PDE4D: variants seen among roughly 807,000 people sequenced by gnomAD.
The protein encoded by PDE4D is 3',5'-cyclic-AMP phosphodiesterase 4D.
PDE4D carries 24 observed loss-of-function variants against 87.4 expected under a neutral mutation model. The observed-to-expected ratio is 0.27, with a 90% CI of 0.20 to 0.39. The LOEUF (loss-of-function observed/expected upper bound fraction) is 0.39, where lower values mean the gene tolerates loss of function less well. Ranked by LOEUF, PDE4D falls within the 10% of genes least tolerant of loss-of-function variation. The pLI is 1.00. For missense variants in PDE4D, 714 were observed against 1,041.0 expected (o/e 0.69, Z 4.32); for synonymous variants, 384 against 383.2 (o/e 1.00, Z -0.02).
chr5:59,999,602 C>T (rs72753250), intron 2 of PDE4D, among the ~76,000 whole-genome samples: 1 of 150,180 alleles, frequency 6.7e-6, no homozygotes, highest in Non-Finnish European at 1.5e-5. Context: ...AAAGTCTTCC[C>T]CTGTATGAAG....
intron 1 of PDE4D, chr5:60,459,937 T>G: frequency 1.4e-6 from 1 of 723,092 alleles, no homozygotes; most frequent in Non-Finnish European, 2.5e-6. Context: ...TTCATTAGTA[T>G]CTTTTTATCC....
intron 2 of PDE4D, chr5:60,022,663 C>T (rs898021145): frequency 3.9e-5 from 6 of 152,222 alleles, no homozygotes; most frequent in Non-Finnish European, 7.3e-5. Flanking sequence ...GATACAGCTG[C>T]GAAGCCTCTA....
intron 1 of PDE4D, among the ~76,000 whole-genome samples, chr5:60,297,292 T>C (rs1033826907): frequency 3.3e-5 from 5 of 152,082 alleles, no homozygotes. Flanking sequence ...TTTGTGACAT[T>C]AGAACAGGCT....
At chr5:59,225,856 T>C (rs1202934073) in intron 1 of PDE4D, among the ~76,000 whole-genome samples, 1 of 133,564 alleles carries the variant, frequency 7.5e-6, no homozygotes, top group East Asian at 2.2e-4. Context: ...ATGAAAGAAA[T>C]GGACGTTTCT....
At chr5:59,364,538 G>A (rs535290766) in intron 1 of PDE4D, among the ~76,000 whole-genome samples, 3 of 152,064 alleles carry the variant, frequency 2.0e-5, no homozygotes, top group Non-Finnish European at 2.9e-5. Flanking sequence ...ATATGCTATA[G>A]GTGAGTCTTA....
intron 1 of PDE4D, among the ~76,000 whole-genome samples, chr5:59,340,250 C>T (rs147949745): frequency 1.9e-4 from 29 of 152,136 alleles, no homozygotes; most frequent in African/African-American, 4.3e-4. Flanking sequence ...GCTGTTTTTG[C>T]GTAGTGTCTA....
At chr5:60,182,450 T>C (rs11748314) in intron 2 of PDE4D, among the ~76,000 whole-genome samples, 8,979 of 152,254 alleles carry the variant, frequency 0.059, 297 homozygotes, top group Middle Eastern at 0.088. Context: ...CTGACCAACA[T>C]GGTGAAACCC....
intron 1 of PDE4D, among the ~76,000 whole-genome samples, chr5:59,243,266 T>C (rs1758048273): frequency 6.6e-6 from 1 of 152,040 alleles, no homozygotes; most frequent in South Asian, 2.1e-4. Flanking sequence ...TTGACCAGCT[T>C]TAGAAGGCAG....
At chr5:59,335,776 T>G (rs1327799917) in intron 1 of PDE4D, among the ~76,000 whole-genome samples, 1 of 152,210 alleles carries the variant, frequency 6.6e-6, no homozygotes, top group South Asian at 2.1e-4. Flanking sequence ...TATCAATGAA[T>G]AGATTGCTAA....
At chr5:60,377,058 G>C (rs1259348749) in intron 1 of PDE4D, among the ~76,000 whole-genome samples, 1 of 152,222 alleles carries the variant, frequency 6.6e-6, no homozygotes, top group African/African-American at 2.4e-5. Flanking sequence ...TTAGTTAACT[G>C]TAAACTCAGC....
At chr5:60,491,016 T>C (rs1293265282), upstream of PDE4D, 1 of 152,148 alleles carries the variant, frequency 6.6e-6, no homozygotes, top group Non-Finnish European at 1.5e-5. Context: ...TTAACTCCAT[T>C]CCAGGTGACA....
At chr5:59,987,700 C>T (rs992319603) in intron 3 of PDE4D, 1 of 152,198 alleles carries the variant, frequency 6.6e-6, no homozygotes, top group Non-Finnish European at 1.5e-5. Context: ...GGCCCACTGG[C>T]TTCATCCTCT....
intron 1 of PDE4D, among the ~76,000 whole-genome samples, chr5:60,308,814 G>A (rs749688277): frequency 4.6e-5 from 7 of 152,170 alleles, no homozygotes; most frequent in Non-Finnish European, 5.9e-5. Flanking sequence ...TGAGGGATTC[G>A]AATTTGAAAA....
chr5:59,499,510 A>C (rs1326335993), intron 1 of PDE4D, among the ~76,000 whole-genome samples: 1 of 151,868 alleles, frequency 6.6e-6, no homozygotes, highest in Non-Finnish European at 1.5e-5. Context: ...AAGGATAAAA[A>C]AAGATTGATA....
intron 1 of PDE4D, among the ~76,000 whole-genome samples, chr5:59,802,555 C>A (rs529528678): frequency 6.6e-6 from 1 of 151,808 alleles, no homozygotes; most frequent in African/African-American, 2.4e-5. Context: ...CAAACCACCA[C>A]GCTCAGCTAA....
chr5:58,975,538 T>A lies in PDE4D; in HGVS notation c.2013+119A>T. On this transcript the variant is annotated intron_variant, in intron 14 of 14. Coordinates refer to ENST00000340635, the MANE Select transcript of PDE4D (RefSeq NM_001104631.2). This position sits in a 1 kb window ranked among gnomAD's most constrained non-coding sequence, Gnocchi z 4.2. ...CATAAATACTAAGGTGAAATTGAGC[T>A]TGTCAAAAACAAAGTAATTTTAAAA... The A allele has an allele frequency of 1.3e-6, 1 of 748,360 alleles. No homozygotes were observed. Among genetic ancestry groups the A allele is most frequent in the Non-Finnish European group, 2.0e-6 (1 of 506,884 alleles). The allele number at this position is 748,360 out of a possible 1,614,324, so 46.4% of individuals were successfully genotyped here.
intron 1 of PDE4D, among the ~76,000 whole-genome samples, chr5:60,472,980 A>G (rs1747927082): frequency 6.6e-6 from 1 of 151,998 alleles, no homozygotes; most frequent in Admixed American, 6.6e-5. Context: ...TCAACTTATG[A>G]TTAGTTTATT....
intron 1 of PDE4D, among the ~76,000 whole-genome samples, chr5:59,662,051 G>A (rs1745338763): frequency 6.6e-6 from 1 of 152,124 alleles, no homozygotes; most frequent in Non-Finnish European, 1.5e-5. Flanking sequence ...ATGACAGTCT[G>A]TCATTTTAGA....
At chr5:60,194,820 T>C (rs894001097) in intron 1 of PDE4D, among the ~76,000 whole-genome samples, 1 of 151,716 alleles carries the variant, frequency 6.6e-6, no homozygotes, top group Non-Finnish European at 1.5e-5. Context: ...CTAATGTTCT[T>C]CTTGTCACCA....
Sources: allele counts gnomAD v4.1 joint callset (sites outside exome capture counted in the v4.1 genomes callset), GRCh38; gene constraint gnomAD v4.1.1; non-coding constraint Gnocchi (gnomAD v3.1); transcripts MANE v1.5; gene names NCBI Gene and HGNC (gene_info 2026-07-23, HGNC 2026-07-21).